The following PTPRD variants were observed in gnomAD, a reference collection of about 807,000 sequenced individuals.
The protein encoded by PTPRD is protein tyrosine phosphatase receptor type D.
Under a neutral mutation model 214.5 loss-of-function variants are expected in PTPRD, and 34 were observed. The observed-to-expected ratio is 0.16, with a 90% confidence interval of 0.12 to 0.21. The LOEUF is 0.21. PTPRD is among the 10% of genes least tolerant of loss of function. The pLI is 1.00. For missense variants in PTPRD, 2,545 were observed against 2,398.7 expected, an observed-to-expected ratio of 1.06 and a Z score of -1.27; for synonymous variants, 1,128 against 845.7, an observed-to-expected ratio of 1.33 and a Z score of -5.79.
chr9:8,496,508 T>C (rs181279918), intron 26 of PTPRD, among the ~76,000 whole-genome samples: 17 of 152,294 alleles, frequency 1.1e-4, no homozygotes, highest in Admixed American at 8.5e-4. Flanking sequence ...TAACAGTCCC[T>C]CAATAAATAA....
intron 2 of PTPRD, among the ~76,000 whole-genome samples, chr9:10,505,024 T>C (rs929005087): frequency 5.3e-5 from 8 of 152,180 alleles, no homozygotes; most frequent in Non-Finnish European, 1.2e-4. Context: ...CCAATCTTAA[T>C]GCAAGAGCTG....
rs2138515129 is a variant in PTPRD, at chr9:8,518,101, A to G, written c.1290T>C (p.Ser430=). ...APRDVQARML[S]STTILVQWKE... is the part of the protein sequence containing the mutation. ...TCCACTGTACCAAAATGGTGGTCGA[A>G]CTCAACATTCGTGCCTGGACATCCC... Residue 430 remains serine, a synonymous_variant, in exon 21 of 46, where the codon AGT becomes AGC. Coordinates refer to ENST00000381196, the MANE Select transcript of PTPRD (RefSeq NM_002839.4). 1 of 1,614,110 alleles carries G rather than the reference A, an allele frequency of 6.2e-7. No individual in the cohort carries two copies. The highest frequency in any genetic ancestry group is 1.1e-5 in the South Asian group (1 of 91,074).
intron 4 of PTPRD, among the ~76,000 whole-genome samples, chr9:9,975,184 G>A (rs2095308316): frequency 6.6e-6 from 1 of 152,072 alleles, no homozygotes; most frequent in South Asian, 2.1e-4. Context: ...CAGTAAGACT[G>A]TGGTTTGACA....
intron 9 of PTPRD, among the ~76,000 whole-genome samples, chr9:9,325,891 T>G (rs1417127702): frequency 6.6e-6 from 1 of 152,220 alleles, no homozygotes; most frequent in Non-Finnish European, 1.5e-5. Context: ...TATTGAGAGT[T>G]TTTAGCATGA....
chr9:9,819,311 G>T (rs927919558), intron 5 of PTPRD, among the ~76,000 whole-genome samples: 2 of 152,094 alleles, frequency 1.3e-5, no homozygotes, highest in African/African-American at 4.8e-5. Flanking sequence ...TATTTTTAAA[G>T]GCTTTTACAG....
At chr9:9,651,308 T>G (rs2096341610) in intron 7 of PTPRD, among the ~76,000 whole-genome samples, 1 of 152,170 alleles carries the variant, frequency 6.6e-6, no homozygotes, top group African/African-American at 2.4e-5. Context: ...CTTGTATCAT[T>G]GAGGGTTTGT....
chr9:9,177,145 G>A (rs1428864172), intron 10 of PTPRD, among the ~76,000 whole-genome samples: 1 of 152,102 alleles, frequency 6.6e-6, no homozygotes, highest in Non-Finnish European at 1.5e-5. Flanking sequence ...GGTGGAAGGT[G>A]AAGGGGAAGC....
intron 2 of PTPRD, among the ~76,000 whole-genome samples, chr9:10,571,901 T>A (rs562751753): frequency 1.6e-4 from 25 of 152,252 alleles, no homozygotes; most frequent in African/African-American, 5.5e-4. Flanking sequence ...TAAGGCTTGC[T>A]CGCCCACTAC....
chr9:9,531,233 TA>T (rs2075389716), intron 8 of PTPRD, among the ~76,000 whole-genome samples: 2 of 152,092 alleles, frequency 1.3e-5, no homozygotes, highest in Non-Finnish European at 1.5e-5. Context: ...TACTCAGCAC[TA>T]AAAAGGACTG....
intron 9 of PTPRD, among the ~76,000 whole-genome samples, chr9:9,263,510 T>C (rs1460687541): frequency 2.0e-5 from 3 of 151,690 alleles, no homozygotes; most frequent in Non-Finnish European, 4.4e-5. Flanking sequence ...AAAGCCTTTG[T>C]GTAGTTTTTG....
intron 2 of PTPRD, among the ~76,000 whole-genome samples, chr9:10,468,164 G>C (rs2099006748): frequency 6.6e-6 from 1 of 152,108 alleles, no homozygotes; most frequent in Non-Finnish European, 1.5e-5. Context: ...TATACCCACA[G>C]GATTATAAAT....
intron 2 of PTPRD, among the ~76,000 whole-genome samples, chr9:10,519,735 T>C (rs115860435): frequency 0.017 from 2,527 of 152,252 alleles, 73 homozygotes; most frequent in African/African-American, 0.058. Context: ...TTTATTATTA[T>C]TATTATTATA....
chr9:10,372,746 T>C (rs1407215051), intron 2 of PTPRD, among the ~76,000 whole-genome samples: 2 of 151,988 alleles, frequency 1.3e-5, no homozygotes, highest in Non-Finnish European at 2.9e-5. Flanking sequence ...TTCTTGTTAA[T>C]GTTTATATGC....
chr9:9,807,051 G>A (rs75478128), intron 5 of PTPRD, among the ~76,000 whole-genome samples: 2,028 of 152,190 alleles, frequency 0.013, 32 homozygotes, highest in African/African-American at 0.045. Flanking sequence ...GATCTCTCAA[G>A]TCACCTACTT....
At chr9:9,344,215 A>G (rs2047934254) in intron 9 of PTPRD, among the ~76,000 whole-genome samples, 1 of 152,140 alleles carries the variant, frequency 6.6e-6, no homozygotes, top group Non-Finnish European at 1.5e-5. Context: ...TCCTCAACAA[A>G]CTAACACAAG....
chr9:9,845,623 T>A (rs1009317310), intron 5 of PTPRD, among the ~76,000 whole-genome samples: 5 of 151,962 alleles, frequency 3.3e-5, no homozygotes, highest in Admixed American at 3.3e-4. Context: ...TCATGTCCTA[T>A]TCTCTAAGAT....
At chr9:10,598,670 A>ATGTGTG (rs1175090419) in intron 2 of PTPRD, among the ~76,000 whole-genome samples, 2,763 of 80,602 alleles carry the variant, frequency 0.034, 38 homozygotes, top group Middle Eastern at 0.049. Flanking sequence ...ATTTTTATAT[A>ATGTGTG]TGTATGTGTG....
intron 14 of PTPRD, among the ~76,000 whole-genome samples, chr9:8,551,396 G>A (rs2082069016): frequency 6.6e-6 from 1 of 151,684 alleles, no homozygotes; most frequent in Non-Finnish European, 1.5e-5. Flanking sequence ...TTTTATTTTT[G>A]CTGTTTTCAA....
At chr9:9,990,396 T>C (rs1193081832) in intron 4 of PTPRD, among the ~76,000 whole-genome samples, 2 of 152,344 alleles carry the variant, frequency 1.3e-5, no homozygotes, top group East Asian at 1.9e-4. Context: ...TTTCTGTTTA[T>C]GGAGGTGTCA....
Sources: allele counts gnomAD v4.1 joint callset (sites outside exome capture counted in the v4.1 genomes callset), GRCh38; gene constraint gnomAD v4.1.1; transcripts MANE v1.5; gene names NCBI Gene and HGNC (gene_info 2026-07-23, HGNC 2026-07-21).